Variants in STK3 observed in about 807,000 individuals in gnomAD.
STK3 encodes the protein serine/threonine kinase 3.
Under a neutral mutation model 58.0 loss-of-function variants are expected in STK3, and 41 were observed. The observed-to-expected ratio is 0.71, with a 90% CI of 0.55 to 0.92. The LOEUF is 0.92. STK3 is among the 40% of genes least tolerant of loss of function. The pLI, the probability that STK3 is intolerant of heterozygous loss-of-function variation, is 0.00. For missense variants in STK3, 479 were observed against 602.7 expected, an observed-to-expected ratio of 0.79 and a Z score of 2.15; for synonymous variants, 170 against 191.0, an observed-to-expected ratio of 0.89 and a Z score of 0.91.
rs911891618 is a variant in STK3 at position 98,633,050 on chromosome 8, C to T, written c.685-36881G>A. Among the ~76,000 whole-genome samples the T allele has an allele frequency of 2.6e-5, 4 of 152,050 alleles. 1 individual carries two copies. The highest frequency in any genetic ancestry group is 7.2e-5 in the African/African-American group (3 of 41,398). On this transcript the variant is annotated intron_variant, in intron 6 of 10. Coordinates refer to ENST00000419617, the MANE Select transcript of STK3 (RefSeq NM_006281.4). ...AAATTACACATGCTGCTATCAATAA[C>T]TTCATAATGTGGTAGAGAAGTCATA... is the stretch of plus-strand genomic sequence containing the variant.
intron 6 of STK3, among the ~76,000 whole-genome samples, chr8:98,651,208 C>T (rs559639956): frequency 1.4e-4 from 22 of 152,316 alleles, no homozygotes; most frequent in African/African-American, 2.4e-4. Context: ...CTGCAGCCAC[C>T]GCTGCTGGTA....
At chr8:98,652,928 CAG>C (rs947483727) in intron 6 of STK3, among the ~76,000 whole-genome samples, 2 of 152,160 alleles carry the variant, frequency 1.3e-5, no homozygotes, top group African/African-American at 4.8e-5. Flanking sequence ...ATCAACCAGA[CAG>C]AAAGTTAATA....
chr8:98,544,223 A>G (rs533273437), intron 9 of STK3, among the ~76,000 whole-genome samples: 3 of 152,298 alleles, frequency 2.0e-5, no homozygotes, highest in South Asian at 4.2e-4. Context: ...TCATGATAGC[A>G]TTTCCCAAAA....
intron 6 of STK3, among the ~76,000 whole-genome samples, chr8:98,614,714 T>C (rs1484743009): frequency 6.6e-6 from 1 of 151,874 alleles, no homozygotes; most frequent in Non-Finnish European, 1.5e-5. Context: ...ACCTGGAAAA[T>C]CGGGTCACTC....
chr8:98,617,713 A>T (rs1407967870), intron 6 of STK3, among the ~76,000 whole-genome samples: 1 of 151,804 alleles, frequency 6.6e-6, no homozygotes, highest in African/African-American at 2.4e-5. Context: ...GAAAATCTAG[A>T]AGAAATGGAT....
intron 3 of STK3, among the ~76,000 whole-genome samples, chr8:98,856,106 G>A (rs1038793868): frequency 8.0e-6 from 1 of 125,144 alleles, no homozygotes; most frequent in African/African-American, 3.1e-5. Flanking sequence ...AGTGGGCCGA[G>A]ATCACACCAC....
At chr8:98,349,344 T>G in the STK3 span, among the ~76,000 whole-genome samples, 1 of 152,234 alleles carries the variant, frequency 6.6e-6, no homozygotes, top group Non-Finnish European at 1.5e-5. Flanking sequence ...ATGCAAGAGG[T>G]GGGCTCCCAT....
chr8:98,513,114 G>A (rs1824648411), intron 10 of STK3, among the ~76,000 whole-genome samples: 4 of 152,164 alleles, frequency 2.6e-5, no homozygotes, highest in African/African-American at 7.2e-5. Flanking sequence ...AATGCTGACT[G>A]AAAGTGTTTA....
At chr8:98,667,445 C>T (rs1321683474) in intron 6 of STK3, among the ~76,000 whole-genome samples, 1 of 152,068 alleles carries the variant, frequency 6.6e-6, no homozygotes, top group African/African-American at 2.4e-5. Flanking sequence ...CATAAACTTT[C>T]TAACTGATAC....
At chr8:98,534,783 T>C (rs879120992) in intron 9 of STK3, among the ~76,000 whole-genome samples, 1 of 152,212 alleles carries the variant, frequency 6.6e-6, no homozygotes, top group East Asian at 1.9e-4. Context: ...TATACTAAAA[T>C]AGAGTCTAGG....
intron 8 of STK3, among the ~76,000 whole-genome samples, chr8:98,571,335 A>G (rs1476217970): frequency 6.6e-6 from 1 of 152,068 alleles, no homozygotes; most frequent in Non-Finnish European, 1.5e-5. Context: ...CATCTCAAAG[A>G]AAAAAAGAAG....
At chr8:98,597,377 T>C (rs1436117314) in intron 6 of STK3, 2 of 984,668 alleles carry the variant, frequency 2.0e-6, no homozygotes, top group African/African-American at 3.5e-5. Flanking sequence ...ACGTAAATTC[T>C]TTAATAGATT....
intron 3 of STK3, among the ~76,000 whole-genome samples, chr8:98,407,652 T>C (rs1361405716): frequency 1.3e-5 from 2 of 152,118 alleles, no homozygotes; most frequent in East Asian, 3.9e-4. Flanking sequence ...GTCTTCCTCT[T>C]AACCTGCTGC....
intron 1 of STK3, among the ~76,000 whole-genome samples, chr8:98,891,782 T>C (rs1404201207): frequency 1.3e-5 from 2 of 152,142 alleles, no homozygotes; most frequent in Non-Finnish European, 2.9e-5. Context: ...CTAGAGGGAA[T>C]AGAGATTGCA....
At chr8:98,738,276 C>G (rs925382432) in intron 4 of STK3, among the ~76,000 whole-genome samples, 2 of 151,920 alleles carry the variant, frequency 1.3e-5, no homozygotes, top group South Asian at 2.1e-4. Flanking sequence ...AGTTCCAGAC[C>G]AGCCTGGCCA....
At chr8:98,836,279 G>T (rs112629073) in intron 3 of STK3, among the ~76,000 whole-genome samples, 2,145 of 152,200 alleles carry the variant, frequency 0.014, 45 homozygotes, top group Non-Finnish European at 0.017. Context: ...CAAAGGTCTG[G>T]CAGATTCAGT....
intron 1 of STK3, among the ~76,000 whole-genome samples, chr8:98,923,689 G>A (rs1839658962): frequency 6.6e-6 from 1 of 152,052 alleles, no homozygotes; most frequent in Non-Finnish European, 1.5e-5. Flanking sequence ...ATATAAATAA[G>A]ATGGAATACC....
At chr8:98,685,921 T>A (rs938360440) in intron 6 of STK3, among the ~76,000 whole-genome samples, 3 of 152,144 alleles carry the variant, frequency 2.0e-5, no homozygotes, top group African/African-American at 7.2e-5. Flanking sequence ...AAGTAAAGTA[T>A]GTAATGACAA....
At chr8:98,883,180 T>TA (rs1181628751), downstream of STK3, 2 of 153,490 alleles carry the variant, frequency 1.3e-5, no homozygotes, top group Non-Finnish European at 2.9e-5. Flanking sequence ...CAGGCACGCT[T>TA]ACGCAAAACT....
Sources: gnomAD v4.1 joint callset for allele counts (sites outside exome capture counted in the v4.1 genomes callset) on GRCh38, gnomAD v4.1.1 for gene constraint, MANE v1.5 for transcripts, NCBI Gene and HGNC (gene_info 2026-07-23, HGNC 2026-07-21) for gene names.